Variants in ENTREP2 observed in about 807,000 individuals in gnomAD.
ENTREP2 encodes endosomal transmembrane epsin interactor 2.
chr15:29,458,759 C>T, the ENTREP2 span, among the ~76,000 whole-genome samples: 5,643 of 152,282 alleles, frequency 0.037, 143 homozygotes, highest in South Asian at 0.11. Flanking sequence ...TGAACACAAA[C>T]GTTTTTTTCT....
the ENTREP2 span, among the ~76,000 whole-genome samples, chr15:29,586,763 G>A: frequency 2.0e-5 from 3 of 151,200 alleles, no homozygotes; most frequent in African/African-American, 2.4e-5. Flanking sequence ...AAATAAAAAA[G>A]AAGAAAAGAA....
At chr15:29,441,406 C>T in the ENTREP2 span, among the ~76,000 whole-genome samples, 17 of 152,196 alleles carry the variant, frequency 1.1e-4, no homozygotes, top group African/African-American at 3.6e-4. Context: ...GGTAGTCATA[C>T]GAAGGTGACT....
chr15:29,131,888 T>C, the ENTREP2 span, among the ~76,000 whole-genome samples: 2 of 89,286 alleles, frequency 2.2e-5, no homozygotes, highest in Admixed American at 1.2e-4. Flanking sequence ...AACTCACTCC[T>C]TGAACACTGG....
At chr15:29,225,583 C>T in the ENTREP2 span, among the ~76,000 whole-genome samples, 1 of 152,238 alleles carries the variant, frequency 6.6e-6, no homozygotes, top group African/African-American at 2.4e-5. Flanking sequence ...ACCAAGTGCC[C>T]CAGTCATGAA....
At chr15:29,195,156 T>G in the ENTREP2 span, 4 of 985,362 alleles carry the variant, frequency 4.1e-6, no homozygotes, top group Non-Finnish European at 4.8e-6. Context: ...CAGTTCTTGA[T>G]TCCTCCAACC....
chr15:29,188,999 C>T, the ENTREP2 span, among the ~76,000 whole-genome samples: 2 of 152,256 alleles, frequency 1.3e-5, no homozygotes, highest in African/African-American at 2.4e-5. Context: ...AACCTCGCCA[C>T]ATGCATCTCT....
chr15:29,182,185 C>T, the ENTREP2 span, among the ~76,000 whole-genome samples: 670 of 150,888 alleles, frequency 4.4e-3, 2 homozygotes, highest in African/African-American at 0.016. Context: ...ACTGCAGTGG[C>T]GCTATCTCAG....
the ENTREP2 span, among the ~76,000 whole-genome samples, chr15:29,463,386 G>A: frequency 6.6e-6 from 1 of 151,972 alleles, no homozygotes; most frequent in South Asian, 2.1e-4. Context: ...CCAGGTCCAG[G>A]GGCTGCTTAG....
chr15:29,327,251 TA>T, the ENTREP2 span, among the ~76,000 whole-genome samples: 2 of 152,118 alleles, frequency 1.3e-5, no homozygotes, highest in African/African-American at 4.8e-5. Context: ...CCAAAATGTA[TA>T]AAGAAAAGTA....
the ENTREP2 span, among the ~76,000 whole-genome samples, chr15:29,497,810 T>C: frequency 2.0e-5 from 3 of 151,212 alleles, no homozygotes; most frequent in East Asian, 3.8e-4. Context: ...ATATCCTTCC[T>C]TCTGCTAACT....
chr15:29,131,935 G>GGCATCTGACCTAATCCTCCCCTAACCCA, the ENTREP2 span, among the ~76,000 whole-genome samples: 1 of 137,442 alleles, frequency 7.3e-6, no homozygotes, highest in Admixed American at 7.3e-5. Context: ...GAAAGAGAAT[G>GGCATCTGACCTAATCCTCCCCTAACCCA]GCATCTGACC....
the ENTREP2 span, among the ~76,000 whole-genome samples, chr15:29,657,951 A>G: frequency 6.6e-6 from 1 of 152,038 alleles, no homozygotes; most frequent in Non-Finnish European, 1.5e-5. Context: ...ATGAATCTCA[A>G]ATGTGCTATT....
chr15:29,211,457 G>A, the ENTREP2 span, among the ~76,000 whole-genome samples: 1 of 152,336 alleles, frequency 6.6e-6, no homozygotes, highest in East Asian at 1.9e-4. Context: ...ATCGTTTTCA[G>A]AATATGGGAA....
At chr15:29,631,401 CA>C in the ENTREP2 span, among the ~76,000 whole-genome samples, 1 of 152,176 alleles carries the variant, frequency 6.6e-6, no homozygotes, top group African/African-American at 2.4e-5. Context: ...TCCATTTTAG[CA>C]GGCAGTTTCC....
chr15:29,657,602 T>C, the ENTREP2 span, among the ~76,000 whole-genome samples: 1 of 151,892 alleles, frequency 6.6e-6, no homozygotes, highest in Non-Finnish European at 1.5e-5. Context: ...AGAATCCTGC[T>C]GATTGGTGCA....
At chr15:29,422,041 G>T in the ENTREP2 span, among the ~76,000 whole-genome samples, 1 of 152,138 alleles carries the variant, frequency 6.6e-6, no homozygotes, top group Non-Finnish European at 1.5e-5. Context: ...GCCGAAGCAG[G>T]TGGATCACCT....
the ENTREP2 span, among the ~76,000 whole-genome samples, chr15:29,355,146 A>C: frequency 6.6e-6 from 1 of 151,550 alleles, no homozygotes. Flanking sequence ...CCCCAGAGCC[A>C]CTCCCTCCCT....
At chr15:29,325,954 A>C in the ENTREP2 span, among the ~76,000 whole-genome samples, 3 of 152,202 alleles carry the variant, frequency 2.0e-5, no homozygotes, top group Non-Finnish European at 4.4e-5. Flanking sequence ...CAGTCAATGC[A>C]ATATACCACA....
At chr15:29,131,975 T>A in the ENTREP2 span, among the ~76,000 whole-genome samples, 1 of 48,790 alleles carries the variant, frequency 2.0e-5, no homozygotes, top group South Asian at 1.1e-3. Context: ...GCACGGCCCG[T>A]CACCCATGCG....
Sources: allele counts gnomAD v4.1 joint callset (sites outside exome capture counted in the v4.1 genomes callset), GRCh38; gene constraint gnomAD v4.1.1; transcripts MANE v1.5; gene names NCBI Gene and HGNC (gene_info 2026-07-23, HGNC 2026-07-21).